The following GFRA1 variants were observed in gnomAD, a reference collection of about 807,000 sequenced individuals.
GFRA1 encodes GDNF family receptor alpha-1.
Under a neutral mutation model 51.6 loss-of-function variants are expected in GFRA1, and 16 were observed. The observed-to-expected ratio is 0.31, with a 90% confidence interval of 0.21 to 0.47. GFRA1 has a LOEUF of 0.47. GFRA1 is among the 20% of genes least tolerant of loss of function. The probability of loss-of-function intolerance (pLI) is 1.00; values close to 1 mark genes in which losing one functional copy is unlikely to be tolerated. For missense variants in GFRA1, 530 were observed against 594.3 expected (o/e 0.89, Z 1.13); for synonymous variants, 270 against 241.3 (o/e 1.12, Z -1.10).
At chr10:116,076,650 C>T (rs1366916581) in intron 9 of GFRA1, among the ~76,000 whole-genome samples, 1 of 152,174 alleles carries the variant, frequency 6.6e-6, no homozygotes, top group East Asian at 1.9e-4. Context: ...AACAGCCCAG[C>T]CACATGGGAC....
At chr10:116,268,243 T>A (rs1474551817) in intron 4 of GFRA1, among the ~76,000 whole-genome samples, 1 of 152,248 alleles carries the variant, frequency 6.6e-6, no homozygotes, top group Non-Finnish European at 1.5e-5. Context: ...TTAAGACTTT[T>A]GTGATTTGGG....
chr10:116,163,684 C>A (rs1164382518), intron 5 of GFRA1, among the ~76,000 whole-genome samples: 2 of 152,302 alleles, frequency 1.3e-5, no homozygotes, highest in South Asian at 2.1e-4. Context: ...CCTTCTCGCA[C>A]GGCCTGGTCT....
chr10:116,120,089 T>C (rs1198640408), intron 6 of GFRA1, among the ~76,000 whole-genome samples: 1 of 152,168 alleles, frequency 6.6e-6, no homozygotes, highest in Non-Finnish European at 1.5e-5. Context: ...TATATGGTGA[T>C]TTCATCAAAG....
chr10:116,213,962 T>G (rs1965385843), intron 4 of GFRA1, among the ~76,000 whole-genome samples: 1 of 152,230 alleles, frequency 6.6e-6, no homozygotes, highest in East Asian at 1.9e-4. Context: ...ACAGGAAACC[T>G]TGACTCTGCT....
At chr10:116,119,027 G>A (rs551916377) in intron 6 of GFRA1, among the ~76,000 whole-genome samples, 1 of 152,332 alleles carries the variant, frequency 6.6e-6, no homozygotes, top group Non-Finnish European at 1.5e-5. Flanking sequence ...GCAGGTCATA[G>A]CTGGCTCCTG....
chr10:116,206,186 T>C (rs1489441537), intron 5 of GFRA1, among the ~76,000 whole-genome samples: 1 of 152,188 alleles, frequency 6.6e-6, no homozygotes, highest in Non-Finnish European at 1.5e-5. Context: ...AATGTTTACC[T>C]GGAAGTGGTA....
At chr10:116,205,596 G>GATATATATATATATATATATATAT (rs140642664) in intron 5 of GFRA1, among the ~76,000 whole-genome samples, 20 of 140,580 alleles carry the variant, frequency 1.4e-4, no homozygotes, top group African/African-American at 4.4e-4. Context: ...AAAAAAAAAA[G>GATATATATATATATATATATATAT]ATATATATAT....
chr10:116,219,081 G>T (rs1373528677), intron 4 of GFRA1, among the ~76,000 whole-genome samples: 3 of 152,010 alleles, frequency 2.0e-5, no homozygotes, highest in Admixed American at 1.3e-4. Flanking sequence ...ATCAATCTTG[G>T]GCTGTGTGCT....
At chr10:116,121,536 A>G (rs1318204539) in intron 6 of GFRA1, among the ~76,000 whole-genome samples, 1 of 152,242 alleles carries the variant, frequency 6.6e-6, no homozygotes, top group Non-Finnish European at 1.5e-5. Flanking sequence ...GAAGAGAGAC[A>G]GGTTCTGTGC....
Position 116,064,458 on chromosome 10 carries a change from T to A in GFRA1, c.1338A>T (p.Pro446=). 6.2e-7 allele frequency: 1 copy of A among 1,613,392 alleles called. No individual in the cohort carries two copies. Among genetic ancestry groups the A allele is most frequent in the Non-Finnish European group, 8.5e-7 (1 of 1,179,724 alleles). ...GAGCGGTTACCACCAGGACCAGCAG[T>A]GGGCTCAGACCACAGCTTGGAGGAG... ...MAAPPSCGLS[P]LLVLVVTALS... Residue 446 remains proline, a synonymous_variant, in exon 11 of 11, where the codon CCA becomes CCT. Coordinates refer to ENST00000355422, the MANE Select transcript of GFRA1 (RefSeq NM_005264.8).
chr10:116,239,180 A>G (rs116889704), intron 4 of GFRA1, among the ~76,000 whole-genome samples: 120 of 152,338 alleles, frequency 7.9e-4, no homozygotes, highest in Non-Finnish European at 1.5e-3. Flanking sequence ...ACATTGATAA[A>G]TTCTGTTCAA....
At chr10:116,204,254 G>A (rs1964556298) in intron 5 of GFRA1, among the ~76,000 whole-genome samples, 1 of 152,262 alleles carries the variant, frequency 6.6e-6, no homozygotes, top group Non-Finnish European at 1.5e-5. Flanking sequence ...TCCATGTGGT[G>A]ATGGGTTAGA....
chr10:116,096,916 G>A (rs1291582707), intron 6 of GFRA1, 152 bp from the exon 7 acceptor site: 31 of 650,322 alleles, frequency 4.8e-5, no homozygotes, highest in Admixed American at 1.3e-4. Context: ...CACAAAATAC[G>A]TAGAAAACGT....
intron 5 of GFRA1, among the ~76,000 whole-genome samples, chr10:116,202,968 C>G (rs559535657): frequency 2.0e-3 from 303 of 152,214 alleles, no homozygotes; most frequent in African/African-American, 6.9e-3. Flanking sequence ...GGCATAGGGG[C>G]AGCCGTGGAT....
In GFRA1 at chr10:116,093,775, G is replaced by A; in HGVS notation, c.942C>T (p.Asp314=). The A allele has an allele frequency of 6.2e-7, 1 of 1,613,542 alleles. No homozygotes were observed. Among genetic ancestry groups the A allele is most frequent in the South Asian group, 1.1e-5 (1 of 91,066 alleles). Residue 314 remains aspartate, a synonymous_variant, in exon 8 of 11, where the codon GAC becomes GAT. Coordinates refer to ENST00000355422, the MANE Select transcript of GFRA1 (RefSeq NM_005264.8). The part of the protein sequence containing the change: ...SSSLSVAPWC[D]CSNSGNDLEE... ...CTAGGTCGTTCCCACTGTTGCTGCA[G>A]TCACACCATGGGGCCACACTGAGGC... is the stretch of plus-strand genomic sequence containing the variant.
chr10:116,134,854 C>T (rs117224669), intron 5 of GFRA1, among the ~76,000 whole-genome samples: 1 of 152,164 alleles, frequency 6.6e-6, no homozygotes, highest in African/African-American at 2.4e-5. Context: ...CTTGCCTGCA[C>T]CCTCTGCTGT....
intron 5 of GFRA1, among the ~76,000 whole-genome samples, chr10:116,163,595 A>G (rs1435070585): frequency 6.6e-6 from 1 of 152,190 alleles, no homozygotes; most frequent in African/African-American, 2.4e-5. Flanking sequence ...CAAGGCCACC[A>G]TCCCCGCGGG....
At chr10:116,106,357 C>T (rs2530336) in intron 6 of GFRA1, among the ~76,000 whole-genome samples, 1 of 152,112 alleles carries the variant, frequency 6.6e-6, no homozygotes, top group African/African-American at 2.4e-5. Context: ...AGAACTTGAA[C>T]ATGTACTAGG....
chr10:116,098,254 G>A (rs1294690883), intron 6 of GFRA1, among the ~76,000 whole-genome samples: 1 of 152,246 alleles, frequency 6.6e-6, no homozygotes. Flanking sequence ...TAAGTGCTTT[G>A]GCAAAATCCT....
Sources: allele counts gnomAD v4.1 joint callset (sites outside exome capture counted in the v4.1 genomes callset), GRCh38; gene constraint gnomAD v4.1.1; transcripts MANE v1.5; gene names NCBI Gene and HGNC (gene_info 2026-07-23, HGNC 2026-07-21).